Variants in PDE4B observed in about 807,000 individuals in gnomAD.
PDE4B encodes the protein 3',5'-cyclic-AMP phosphodiesterase 4B.
PDE4B carries 20 observed loss-of-function variants against 82.2 expected under a neutral mutation model. The observed-to-expected ratio is 0.24, with a 90% CI of 0.17 to 0.35. The LOEUF is 0.35. PDE4B is among the 10% of genes least tolerant of loss of function. The pLI is 1.00. For synonymous variants in PDE4B, 320 were observed against 318.9 expected, an observed-to-expected ratio of 1.00 and a Z score of -0.04; for missense variants, 655 against 907.2, an observed-to-expected ratio of 0.72 and a Z score of 3.57.
chr1:65,807,469 G>A (rs1363391632), intron 1 of PDE4B, among the ~76,000 whole-genome samples: 1 of 152,140 alleles, frequency 6.6e-6, no homozygotes, highest in Admixed American at 6.5e-5. Flanking sequence ...GCTTTAATAA[G>A]TATCCCAGTA....
At chr1:65,821,768 G>A (rs1202050961) in intron 1 of PDE4B, among the ~76,000 whole-genome samples, 2 of 152,140 alleles carry the variant, frequency 1.3e-5, no homozygotes, top group African/African-American at 4.8e-5. Flanking sequence ...TTCCTGGCAT[G>A]CATAAGAATC....
intron 3 of PDE4B, among the ~76,000 whole-genome samples, chr1:65,964,383 C>CT (rs1190168939): frequency 1.3e-5 from 2 of 152,176 alleles, no homozygotes; most frequent in Non-Finnish European, 2.9e-5. Context: ...ATTGAAGACT[C>CT]TAAGTCTCAG....
intron 3 of PDE4B, chr1:66,094,603 A>G (rs1645081324): frequency 1.3e-5 from 2 of 152,036 alleles, no homozygotes; most frequent in Admixed American, 6.6e-5. Context: ...TTTGAGAATC[A>G]CTTTAGAATT....
intron 1 of PDE4B, among the ~76,000 whole-genome samples, chr1:65,901,221 T>C (rs538640709): frequency 3.3e-5 from 5 of 152,176 alleles, no homozygotes; most frequent in Non-Finnish European, 7.3e-5. Context: ...TATATGGTTT[T>C]TGTTTTCAAT....
chr1:65,992,619 G>T (rs1569907922), intron 3 of PDE4B: 2 of 523,960 alleles, frequency 3.8e-6, no homozygotes, highest in Non-Finnish European at 5.4e-6. Flanking sequence ...GAGTGTCAGT[G>T]TGTAGCTTGC....
At chr1:66,317,142 CA>C (rs1206912487) in intron 7 of PDE4B, among the ~76,000 whole-genome samples, 1 of 152,180 alleles carries the variant, frequency 6.6e-6, no homozygotes, top group Non-Finnish European at 1.5e-5. Flanking sequence ...ACAGAGGCTG[CA>C]AAAATCATAA....
At chr1:66,175,286 G>A (rs1646912345) in intron 3 of PDE4B, among the ~76,000 whole-genome samples, 1 of 152,232 alleles carries the variant, frequency 6.6e-6, no homozygotes, top group Admixed American at 6.5e-5. Flanking sequence ...ACACTGAGAA[G>A]AAGCCAAGTT....
chr1:65,875,969 A>G (rs1557791905), intron 1 of PDE4B, among the ~76,000 whole-genome samples: 1 of 151,620 alleles, frequency 6.6e-6, no homozygotes, highest in Non-Finnish European at 1.5e-5. Context: ...AAAATGGGGA[A>G]AAAAAAAGAA....
chr1:66,017,372 TA>T, intron 3 of PDE4B, among the ~76,000 whole-genome samples: 1 of 152,198 alleles, frequency 6.6e-6, no homozygotes, highest in East Asian at 1.9e-4. Context: ...TTGATGTGTT[TA>T]AAAATTAAAA....
chr1:66,280,096 A>T (rs1270160142), intron 7 of PDE4B, among the ~76,000 whole-genome samples: 1 of 152,226 alleles, frequency 6.6e-6, no homozygotes, highest in Non-Finnish European at 1.5e-5. Context: ...TACAAACAAG[A>T]TGTATAAAAT....
At position 66,207,808 on chromosome 1, in the gene PDE4B, TC is replaced by T. The variant is rs1649677390; in HGVS notation, c.282-39651del. Among the ~76,000 whole-genome samples, 5 of 152,196 alleles carry T rather than the reference TC, an allele frequency of 3.3e-5. No individual in the cohort carries two copies. In the South Asian group the frequency reaches 1.0e-3, roughly 31 times the overall value. On this transcript the variant is annotated intron_variant, in intron 3 of 16. Coordinates refer to ENST00000341517, the MANE Select transcript of PDE4B (RefSeq NM_002600.4). ...TATATAATTATTCCTCCTGGATGGATCTTCTCATTCGTTTGTAATTACAAAA... is the reference window on the plus strand; with the variant it reads ...TATATAATTATTCCTCCTGGATGGATTTCTCATTCGTTTGTAATTACAAAA...
intron 3 of PDE4B, among the ~76,000 whole-genome samples, chr1:66,064,958 T>TA (rs1326000089): frequency 6.6e-6 from 1 of 151,950 alleles, no homozygotes; most frequent in Non-Finnish European, 1.5e-5. Flanking sequence ...AATTTGGCTA[T>TA]AAAATAAAAA....
chr1:65,945,820 A>G (rs1204943482), intron 3 of PDE4B, among the ~76,000 whole-genome samples: 1 of 151,976 alleles, frequency 6.6e-6, no homozygotes, highest in Non-Finnish European at 1.5e-5. Context: ...GCACAAATGT[A>G]CAATAGAACA....
rs989894706 is a variant in PDE4B, at chr1:66,348,938, T to C, written c.748-6589T>C. Among the ~76,000 whole-genome samples, 3 of 152,168 alleles carry C rather than the reference T, an allele frequency of 2.0e-5. No homozygotes were observed. The East Asian group carries it at 5.8e-4, about 29-fold the overall frequency. On this transcript the variant is annotated intron_variant, in intron 8 of 16. Coordinates refer to ENST00000341517, the MANE Select transcript of PDE4B (RefSeq NM_002600.4). The stretch of plus-strand genomic sequence containing the variant: ...GATCATGAGAAATTGCTATAAACAT[T>C]CTTATGGGAATCACTTTGGGTCTAG...
Position 65,918,715 on chromosome 1 carries a change from CACT to C in PDE4B, c.162_164del (p.Leu55del). On this transcript the variant is annotated inframe_deletion, in exon 3 of 17. Transcript: ENST00000341517. ...TGCTCAGGAAACTTACAGTTACCAC[CACT>C]GTCTCAAAGACAGAGTGAAAGGGCA... The C allele has an allele frequency of 8.7e-6, 14 of 1,612,512 alleles. No homozygotes were observed. The highest frequency in any genetic ancestry group is 1.2e-5 in the Non-Finnish European group (14 of 1,178,530).
chr1:66,328,473 A>C (rs1659884971), intron 7 of PDE4B, among the ~76,000 whole-genome samples: 2 of 152,246 alleles, frequency 1.3e-5, no homozygotes, highest in Non-Finnish European at 2.9e-5. Flanking sequence ...GTTGGGTTGC[A>C]CAGGGCCCTA....
chr1:65,872,924 T>C (rs1160356116), intron 1 of PDE4B, among the ~76,000 whole-genome samples: 1 of 152,170 alleles, frequency 6.6e-6, no homozygotes, highest in Non-Finnish European at 1.5e-5. Flanking sequence ...AGATTAATGA[T>C]TTATTCAATG....
chr1:66,265,740 T>C (rs997941048), intron 6 of PDE4B, among the ~76,000 whole-genome samples: 4 of 152,190 alleles, frequency 2.6e-5, no homozygotes, highest in African/African-American at 4.8e-5. Context: ...TCAGGGCTTC[T>C]TGGAACAGCA....
intron 3 of PDE4B, among the ~76,000 whole-genome samples, chr1:66,005,613 A>T (rs376451990): frequency 2.2e-4 from 33 of 152,268 alleles, no homozygotes; most frequent in African/African-American, 7.7e-4. Flanking sequence ...AAATCAACTC[A>T]CAGCTTAGTA....
Sources: allele counts gnomAD v4.1 joint callset (sites outside exome capture counted in the v4.1 genomes callset), GRCh38; gene constraint gnomAD v4.1.1; transcripts MANE v1.5; gene names NCBI Gene and HGNC (gene_info 2026-07-23, HGNC 2026-07-21).